CLCN5: variants seen among roughly 807,000 people sequenced by gnomAD.
The protein encoded by CLCN5 is Cl-/H+ antiporter 5.
A neutral mutation model predicts 54.0 loss-of-function variants in CLCN5; 17 were observed. The observed-to-expected ratio is 0.31, with a 90% CI of 0.22 to 0.47. CLCN5 has a LOEUF of 0.47. Among genes scored for constraint, CLCN5 ranks in the 20% least tolerant of loss-of-function variants. CLCN5 has a pLI of 1.00. For synonymous variants in CLCN5, 222 were observed against 233.0 expected, an observed-to-expected ratio of 0.95 and a Z score of 0.43; for missense variants, 448 against 646.7, an observed-to-expected ratio of 0.69 and a Z score of 3.33.
chrX:49,971,506 G>A (rs1199644865), intron 3 of CLCN5, among the ~76,000 whole-genome samples: 1 of 110,134 alleles, frequency 9.1e-6, no homozygotes, highest in Non-Finnish European at 1.9e-5. Context: ...GTTTTTCAGA[G>A]ACGGTCTTTA....
chrX:49,936,716 G>A (rs1179093477), intron 3 of CLCN5, among the ~76,000 whole-genome samples: 7 of 112,120 alleles, frequency 6.2e-5, no homozygotes, highest in Non-Finnish European at 5.6e-5. Context: ...CCATTAGAGC[G>A]CACTTTGAAA....
intron 4 of CLCN5, among the ~76,000 whole-genome samples, chrX:50,060,626 G>T (rs1409988727): frequency 4.6e-5 from 5 of 108,942 alleles, no homozygotes; most frequent in African/African-American, 1.3e-4. Flanking sequence ...ACAAAGCAGC[G>T]GGGAAGCTCG....
chrX:49,946,692 C>T (rs1021925515), intron 3 of CLCN5, among the ~76,000 whole-genome samples: 2 of 111,337 alleles, frequency 1.8e-5, no homozygotes, highest in South Asian at 7.7e-4. Flanking sequence ...CACTCATACT[C>T]AGGGAAAGGT....
intron 3 of CLCN5, among the ~76,000 whole-genome samples, chrX:49,985,406 G>C (rs782139730): frequency 1.8e-5 from 2 of 111,724 alleles, no homozygotes; most frequent in Non-Finnish European, 1.9e-5. Context: ...TTGTGAGAAA[G>C]AACATTTTCC....
intron 3 of CLCN5, among the ~76,000 whole-genome samples, chrX:49,934,575 C>T (rs1925827189): frequency 9.0e-6 from 1 of 111,670 alleles, no homozygotes; most frequent in Admixed American, 9.6e-5. Context: ...CAACCCAATA[C>T]CATTCTGGCA....
chrX:49,928,663 C>T (rs184372589), intron 3 of CLCN5, among the ~76,000 whole-genome samples: 2 of 111,856 alleles, frequency 1.8e-5, no homozygotes, highest in East Asian at 5.7e-4. Flanking sequence ...CGGTGGCTCA[C>T]GCCTGTAATC....
chrX:50,002,861 A>T (rs1481408656), intron 3 of CLCN5, among the ~76,000 whole-genome samples: 3 of 111,201 alleles, frequency 2.7e-5, no homozygotes, highest in African/African-American at 9.8e-5. Flanking sequence ...TAAAATAGGG[A>T]TAATGATCAC....
intron 3 of CLCN5, among the ~76,000 whole-genome samples, chrX:49,940,821 T>A (rs953323561): frequency 1.8e-5 from 2 of 110,834 alleles, no homozygotes; most frequent in Non-Finnish European, 3.8e-5. Context: ...CCTTGATTGA[T>A]TGGGGGTGGC....
intron 3 of CLCN5, among the ~76,000 whole-genome samples, chrX:49,962,731 C>T (rs781843391): frequency 1.8e-5 from 2 of 111,927 alleles, no homozygotes; most frequent in African/African-American, 6.5e-5. Flanking sequence ...GTCATTCTCA[C>T]CTTGAGCTTC....
intron 7 of CLCN5, among the ~76,000 whole-genome samples, chrX:50,076,791 T>A (rs1158006887): frequency 8.9e-6 from 1 of 112,237 alleles, no homozygotes; most frequent in Non-Finnish European, 1.9e-5. Context: ...GCCTTGGCCT[T>A]CCAAAATGCT....
chrX:49,976,153 G>T (rs191895626), intron 3 of CLCN5, among the ~76,000 whole-genome samples: 153 of 112,285 alleles, frequency 1.4e-3, no homozygotes, highest in Non-Finnish European at 2.5e-3. Flanking sequence ...CCCAGCCGTG[G>T]CAGCATTACC....
intron 4 of CLCN5, among the ~76,000 whole-genome samples, chrX:50,048,391 G>A (rs1247398079): frequency 2.7e-5 from 3 of 112,650 alleles, no homozygotes; most frequent in African/African-American, 9.7e-5. Context: ...TAGCTCACAC[G>A]TAGGACTAGG....
chrX:50,041,919 T>C (rs1446732982), intron 3 of CLCN5, among the ~76,000 whole-genome samples: 1 of 112,224 alleles, frequency 8.9e-6, no homozygotes, highest in Non-Finnish European at 1.9e-5. Context: ...TACAGTGAAA[T>C]AATATTCAGC....
At chrX:50,058,070 A>G (rs5953359) in intron 4 of CLCN5, among the ~76,000 whole-genome samples, 311 of 111,879 alleles carry the variant, frequency 2.8e-3, no homozygotes, top group African/African-American at 9.5e-3. Context: ...ATAATGTTGA[A>G]TTTTTTGTAC....
chrX:50,039,945 G>A (rs1240734187), intron 3 of CLCN5, among the ~76,000 whole-genome samples: 1 of 111,472 alleles, frequency 9.0e-6, no homozygotes, highest in Non-Finnish European at 1.9e-5. Context: ...CACCCACCTC[G>A]GCCTCCCAAA....
At chrX:49,970,428 C>T (rs782066340) in intron 3 of CLCN5, among the ~76,000 whole-genome samples, 6 of 110,900 alleles carry the variant, frequency 5.4e-5, no homozygotes, top group African/African-American at 1.3e-4. Context: ...TCCCCCTACC[C>T]GCACCTGAGC....
intron 9 of CLCN5, among the ~76,000 whole-genome samples, chrX:50,084,273 A>G (rs1933813040): frequency 8.9e-6 from 1 of 112,722 alleles, no homozygotes; most frequent in Non-Finnish European, 1.9e-5. Context: ...AAAGCACAGT[A>G]AAAATATAAT....
chrX:49,954,974 A>G (rs1317109944), intron 3 of CLCN5, among the ~76,000 whole-genome samples: 1 of 111,328 alleles, frequency 9.0e-6, no homozygotes, highest in African/African-American at 3.3e-5. Flanking sequence ...GGTTAGTGGC[A>G]GAGCTGTTTC....
intron 4 of CLCN5, among the ~76,000 whole-genome samples, chrX:50,065,088 G>A (rs1414601634): frequency 9.9e-6 from 1 of 100,859 alleles, no homozygotes; most frequent in African/African-American, 3.7e-5. Flanking sequence ...TACCATTCAG[G>A]ACATAGGCAT....
Sources: gnomAD v4.1 joint callset for allele counts (sites outside exome capture counted in the v4.1 genomes callset) on GRCh38, gnomAD v4.1.1 for gene constraint, MANE v1.5 for transcripts, NCBI Gene and HGNC (gene_info 2026-07-23, HGNC 2026-07-21) for gene names.